DOK6: variants seen among roughly 807,000 people sequenced by gnomAD.
DOK6 encodes the protein docking protein 6.
In DOK6, 22 loss-of-function variants were observed where a neutral mutation model predicts 44.0. The observed-to-expected ratio is 0.50, with a 90% CI of 0.36 to 0.71. The LOEUF (loss-of-function observed/expected upper bound fraction) is 0.71, where lower values mean the gene tolerates loss of function less well. DOK6 is among the 30% of genes least tolerant of loss of function. The pLI, the probability that DOK6 is intolerant of heterozygous loss-of-function variation, is 0.00. For missense variants in DOK6, 340 were observed against 416.4 expected, an observed-to-expected ratio of 0.82 and a Z score of 1.60; for synonymous variants, 166 against 145.5, an observed-to-expected ratio of 1.14 and a Z score of -1.01.
rs1392102875 is a variant in DOK6 at position 69,828,880 on chromosome 18, A to ATG, written c.857-12360_857-12359dup. 1.1e-3 allele frequency among the ~76,000 whole-genome samples: 99 copies of ATG among 93,106 alleles called. 4 individuals carry two copies. Among genetic ancestry groups the ATG allele is most frequent in the African/African-American group, 3.1e-3 (90 of 29,360 alleles). 61.1% of individuals were successfully genotyped at this position (93,106 alleles called of 152,430 possible). A position where few individuals can be genotyped will look rare whatever the true frequency, so the allele number is the denominator to read the frequency against. On this transcript the variant is annotated intron_variant, in intron 7 of 7. Transcript: ENST00000382713. ...TCCCATTATTAATAGCAATACATTTATGTGTATATATATATATATAGTATG... is the reference window on the plus strand; with the variant it reads ...TCCCATTATTAATAGCAATACATTTATGTGTGTATATATATATATATAGTATG...
intron 1 of DOK6, among the ~76,000 whole-genome samples, chr18:69,405,712 A>G (rs1428961194): frequency 6.6e-6 from 1 of 152,220 alleles, no homozygotes; most frequent in African/African-American, 2.4e-5. Context: ...TGTAAAAACT[A>G]GTTTGTAAAG....
rs1982258317 is a variant in DOK6 at position 69,842,702 on chromosome 18, A to T, written c.*1319A>T. ...TACAGTGTTTAAAGGGAGGTAGTGAATTCCACGGAAACTGAGTTTGGCTAA... is the reference window on the plus strand; with the variant it reads ...TACAGTGTTTAAAGGGAGGTAGTGATTTCCACGGAAACTGAGTTTGGCTAA... On this transcript the variant is annotated 3_prime_UTR_variant, in exon 8 of 8. Coordinates refer to ENST00000382713, the MANE Select transcript of DOK6 (RefSeq NM_152721.6). 1 of 152,238 alleles carries T rather than the reference A, an allele frequency of 6.6e-6. No homozygotes were observed. Among genetic ancestry groups the T allele is most frequent in the African/African-American group, 2.4e-5 (1 of 41,458 alleles). 9.4% of individuals were successfully genotyped at this position (152,238 alleles called of 1,614,324 possible).
intron 1 of DOK6, among the ~76,000 whole-genome samples, chr18:69,536,718 G>A (rs529703169): frequency 6.6e-6 from 1 of 151,972 alleles, no homozygotes; most frequent in East Asian, 1.9e-4. Flanking sequence ...ACCCTGTGTA[G>A]TCACATGTAT....
Position 69,451,934 on chromosome 18 carries a change from G to A in DOK6, c.66+50624G>A, listed in dbSNP as rs1227178882. ...AGCAGTGTGTAGAGGGAAATTTATAGCACTAAATGCCCACAAGAGAAAGCA... is the reference window on the plus strand; with the variant it reads ...AGCAGTGTGTAGAGGGAAATTTATAACACTAAATGCCCACAAGAGAAAGCA... On this transcript the variant is annotated intron_variant, in intron 1 of 7. Coordinates refer to ENST00000382713, the MANE Select transcript of DOK6 (RefSeq NM_152721.6). Among the ~76,000 whole-genome samples the A allele has an allele frequency of 5.8e-3, 681 of 117,382 alleles. 7 individuals carry two copies. Among genetic ancestry groups the A allele is most frequent in the African/African-American group, 0.021 (626 of 30,456 alleles). The allele number at this position is 117,382 out of a possible 152,430, so 77.0% of individuals were successfully genotyped here. A position where few individuals can be genotyped will look rare whatever the true frequency, so the allele number is the denominator to read the frequency against.
chr18:69,674,039 C>T (rs888493917), intron 3 of DOK6, among the ~76,000 whole-genome samples: 4 of 151,784 alleles, frequency 2.6e-5, no homozygotes, highest in Admixed American at 6.6e-5. Flanking sequence ...AATCTCTGTT[C>T]TGTAAAAAAA....
intron 7 of DOK6, among the ~76,000 whole-genome samples, chr18:69,834,084 T>C (rs1328359784): frequency 6.6e-6 from 1 of 152,204 alleles, no homozygotes; most frequent in Non-Finnish European, 1.5e-5. Context: ...CATTCCCATG[T>C]TTATTGCAGC....
chr18:69,619,968 A>G (rs1002738721), intron 3 of DOK6, among the ~76,000 whole-genome samples: 3 of 152,300 alleles, frequency 2.0e-5, no homozygotes, highest in South Asian at 2.1e-4. Flanking sequence ...TTATATTTTT[A>G]TATTCTAAAG....
intron 6 of DOK6, among the ~76,000 whole-genome samples, chr18:69,742,925 A>G (rs183519818): frequency 1.8e-3 from 275 of 152,356 alleles, no homozygotes; most frequent in Non-Finnish European, 3.1e-3. Context: ...TTATTGGGAT[A>G]ATCAACTTAT....
chr18:69,750,060 A>T (rs955121036), intron 6 of DOK6, among the ~76,000 whole-genome samples: 4 of 147,290 alleles, frequency 2.7e-5, no homozygotes, highest in Non-Finnish European at 6.0e-5. Flanking sequence ...TATATATATT[A>T]TATATATATA....
rs753112586 is a variant in DOK6 at position 69,698,486 on chromosome 18, C to T, written c.492C>T (p.Ile164=). 3 of 1,614,116 alleles carry T rather than the reference C, an allele frequency of 1.9e-6. No homozygotes were observed. The highest frequency in any genetic ancestry group is 2.2e-5 in the South Asian group (2 of 91,084). The change falls in exon 5 of 8, where the codon ATC becomes ATT. Residue 164 remains isoleucine (I), a synonymous_variant. Coordinates refer to ENST00000382713, the MANE Select transcript of DOK6 (RefSeq NM_152721.6). Reference sequence around the variant, plus strand: ...CAATGCAGATCACTCATGAAAATATCTATCTCTGGGATATCCACAATGCCA... The same window carrying T: ...CAATGCAGATCACTCATGAAAATATTTATCTCTGGGATATCCACAATGCCA... ...ECTMQITHEN[I]YLWDIHNAKV... is the part of the protein sequence containing the mutation.
chr18:69,841,578 T>G lies in DOK6; in HGVS notation c.*195T>G. On this transcript the variant is annotated 3_prime_UTR_variant, in exon 8 of 8. Transcript: ENST00000382713. The stretch of plus-strand genomic sequence containing the variant: ...TGGCTAAGTCCTTTATTTATTGAAT[T>G]TCTTTGGGGGAATCTATGTTTTACA... 1 of 624,322 alleles carries G rather than the reference T, an allele frequency of 1.6e-6. No homozygotes were observed. Among genetic ancestry groups the G allele is most frequent in the Non-Finnish European group, 2.5e-6 (1 of 392,508 alleles). 38.7% of individuals were successfully genotyped at this position (624,322 alleles called of 1,614,324 possible).
chr18:69,512,298 G>A (rs1324255761), intron 1 of DOK6, among the ~76,000 whole-genome samples: 1 of 146,706 alleles, frequency 6.8e-6, no homozygotes, highest in Non-Finnish European at 1.5e-5. Flanking sequence ...TGGCATTTAG[G>A]TCAAGCCAAC....
At chr18:69,678,505 T>C in intron 4 of DOK6, among the ~76,000 whole-genome samples, 1 of 152,218 alleles carries the variant, frequency 6.6e-6, no homozygotes, top group East Asian at 1.9e-4. Context: ...CTTATCAGGT[T>C]ATCGGTAGCT....
intron 1 of DOK6, among the ~76,000 whole-genome samples, chr18:69,416,603 C>G (rs939946437): frequency 6.6e-6 from 1 of 152,116 alleles, no homozygotes; most frequent in Non-Finnish European, 1.5e-5. Context: ...CCCAGTATGG[C>G]CCATTTAGAA....
chr18:69,751,320 G>A (rs991773230), intron 6 of DOK6, among the ~76,000 whole-genome samples: 3 of 88,586 alleles, frequency 3.4e-5, no homozygotes, highest in Non-Finnish European at 5.6e-5. Flanking sequence ...TATTTCACTT[G>A]TATTCATAAA....
intron 3 of DOK6, among the ~76,000 whole-genome samples, chr18:69,606,788 T>A (rs551043389): frequency 1.6e-5 from 2 of 127,096 alleles, no homozygotes; most frequent in South Asian, 4.9e-4. Context: ...GGAGACAGAG[T>A]CTCTTTCTGT....
intron 4 of DOK6, among the ~76,000 whole-genome samples, chr18:69,691,224 T>TAAA (rs1986258686): frequency 6.6e-6 from 1 of 150,502 alleles, no homozygotes; most frequent in South Asian, 2.1e-4. Flanking sequence ...AATAAATAAA[T>TAAA]AAATAAAAAT....
chr18:69,820,823 T>C (rs1981546746), intron 7 of DOK6, among the ~76,000 whole-genome samples: 1 of 151,994 alleles, frequency 6.6e-6, no homozygotes, highest in African/African-American at 2.4e-5. Context: ...TATTCTCACT[T>C]ATAAGTGGGA....
intron 1 of DOK6, among the ~76,000 whole-genome samples, chr18:69,527,310 G>T (rs1157067015): frequency 6.6e-6 from 1 of 152,180 alleles, no homozygotes; most frequent in Admixed American, 6.5e-5. Flanking sequence ...AAGGAAAGAG[G>T]TTTAATTGAC....
Sources: allele counts gnomAD v4.1 joint callset (sites outside exome capture counted in the v4.1 genomes callset), GRCh38; gene constraint gnomAD v4.1.1; transcripts MANE v1.5; gene names NCBI Gene and HGNC (gene_info 2026-07-23, HGNC 2026-07-21).